ZZEF1: variants seen among roughly 807,000 people sequenced by gnomAD.
The protein encoded by ZZEF1 is zinc finger ZZ-type and EF-hand domain containing 1.
ZZEF1 carries 157 observed loss-of-function variants against 342.8 expected under a neutral mutation model. The ratio of observed to expected loss-of-function variants is 0.46; its 90% CI spans 0.40 to 0.52. ZZEF1 has a LOEUF of 0.52. ZZEF1 is among the 20% of genes least tolerant of loss of function. ZZEF1 has a pLI of 0.00. For synonymous variants in ZZEF1, 1,505 were observed against 1,429.1 expected (o/e 1.05, Z -1.20); for missense variants, 3,480 against 3,725.6 (o/e 0.93, Z 1.72).
In ZZEF1 at chr17:4,074,188, C is replaced by T. The variant is rs374233639; in HGVS notation, c.3647G>A (p.Arg1216His). ...LQLLVSRLMG[R>H]LASQCMALKS... ...GAGCGCCATGCACTGGGAAGCCAGGCGTCCCATCAGCCGGGAGACGAGGAG... is the reference window on the plus strand; with the variant it reads ...GAGCGCCATGCACTGGGAAGCCAGGTGTCCCATCAGCCGGGAGACGAGGAG... The change falls in exon 24 of 55, where the codon CGC (arginine) becomes CAC (histidine). Residue 1216 changes from arginine (R) to histidine (H), a missense_variant. Physicochemically the swap from Arg to His is conservative, Grantham distance 29. Transcript: ENST00000381638. 27 of 1,613,872 alleles carry T rather than the reference C, an allele frequency of 1.7e-5. No homozygotes were observed. The highest frequency in any genetic ancestry group is 2.0e-5 in the Non-Finnish European group (24 of 1,179,958).
chr17:4,115,956 A>AT (rs530184848), intron 3 of ZZEF1, among the ~76,000 whole-genome samples: 59 of 152,264 alleles, frequency 3.9e-4, no homozygotes, highest in African/African-American at 1.3e-3. Flanking sequence ...TTCTTCCAAT[A>AT]TTTTTAGCAT....
At chr17:4,074,967 T>C (rs1471063393) in intron 23 of ZZEF1, 130 bp downstream of exon 23, 1 of 972,138 alleles carries the variant, frequency 1.0e-6, no homozygotes, top group East Asian at 2.5e-5. Flanking sequence ...CTGATATAAA[T>C]CCTTCCTTTC....
rs1404762807 is a variant in ZZEF1 at position 4,083,668 on chromosome 17, C to T, written c.2647-1164G>A. Among the ~76,000 whole-genome samples, 7 of 144,584 alleles carry T rather than the reference C, an allele frequency of 4.8e-5. No homozygotes were observed. In the Admixed American group the frequency reaches 4.9e-4, roughly 10 times the overall value. 94.9% of individuals were successfully genotyped at this position (144,584 alleles called of 152,430 possible). ...TTTTTTTTTTTTTGAGACGGAATCT[C>T]GCTCTGTTGCCCAGGGTGAAGTGCA... On this transcript the variant is annotated intron_variant, in intron 16 of 54. Coordinates refer to ENST00000381638, the MANE Select transcript of ZZEF1 (RefSeq NM_015113.4).
chr17:4,072,564 G>A (rs772801978), intron 25 of ZZEF1, 44 bp downstream of exon 25: 47 of 1,565,408 alleles, frequency 3.0e-5, no homozygotes, highest in Non-Finnish European at 4.1e-5. Flanking sequence ...AATACTTGCA[G>A]GCAGTTTCCA....
At position 4,027,286 on chromosome 17, in the gene ZZEF1, C is replaced by CTTTTT. The variant is rs1179743466; in HGVS notation, c.6893-2173_6893-2169dup. 8.2e-3 allele frequency among the ~76,000 whole-genome samples: 554 copies of CTTTTT among 67,964 alleles called. 87 individuals are homozygous for CTTTTT. Among genetic ancestry groups the CTTTTT allele is most frequent in the Middle Eastern group, 0.014 (1 of 72 alleles). 44.6% of individuals were successfully genotyped at this position (67,964 alleles called of 152,430 possible). On this transcript the variant is annotated intron_variant, in intron 42 of 54. Transcript: ENST00000381638. The stretch of plus-strand genomic sequence containing the variant: ...GACCTACGCACCCAGCAATATCTCA[C>CTTTTT]TTTTTTTTTTTTTTTTTTTTTTTTT...
At chr17:4,063,537 A>G (rs1311571484) in intron 29 of ZZEF1, among the ~76,000 whole-genome samples, 2 of 152,228 alleles carry the variant, frequency 1.3e-5, no homozygotes, top group African/African-American at 4.8e-5. Context: ...TATAAACAGT[A>G]TAATATATAA....
chr17:4,051,189 G>C, intron 35 of ZZEF1, 146 bp from the exon 36 acceptor site: 5 of 1,030,782 alleles, frequency 4.9e-6, no homozygotes, highest in Non-Finnish European at 7.2e-6. Context: ...GTAAAGAAAG[G>C]TGTGGGCCCT....
chr17:4,045,490 CATT>C (rs1567790124), intron 37 of ZZEF1, among the ~76,000 whole-genome samples: 10 of 152,164 alleles, frequency 6.6e-5, no homozygotes. Context: ...TGGTATCTAA[CATT>C]ATCTTTAATA....
intron 26 of ZZEF1, 22 bp downstream of exon 26, chr17:4,070,662 A>C: frequency 6.2e-7 from 1 of 1,607,282 alleles, no homozygotes; most frequent in East Asian, 2.2e-5. Flanking sequence ...CAGATCAAAA[A>C]TATTCCCTGT....
At chr17:4,105,662 C>A (rs746351789) in intron 7 of ZZEF1, 31 bp downstream of exon 7, 2 of 1,502,552 alleles carry the variant, frequency 1.3e-6, no homozygotes, top group Admixed American at 1.8e-5. Context: ...CCATTCCTCA[C>A]AGAGTTTACC....
chr17:4,101,182 G>T (rs565094263), intron 9 of ZZEF1, among the ~76,000 whole-genome samples: 1 of 152,296 alleles, frequency 6.6e-6, no homozygotes, highest in Admixed American at 6.5e-5. Context: ...CTGAGGAGAG[G>T]AGGTGCAGCT....
At chr17:4,067,779 G>A (rs957405723) in intron 26 of ZZEF1, among the ~76,000 whole-genome samples, 13 of 151,976 alleles carry the variant, frequency 8.6e-5, no homozygotes, top group Non-Finnish European at 1.8e-4. Flanking sequence ...TATCACCCAG[G>A]CTGGAGTGCA....
chr17:4,062,972 C>T (rs750069663), intron 29 of ZZEF1, 55 bp from the exon 30 acceptor site: 35 of 1,542,182 alleles, frequency 2.3e-5, no homozygotes, highest in South Asian at 6.1e-5. Context: ...CTGGGGCAGA[C>T]GGAAAATATC....
chr17:4,125,603 C>A (rs552682365), intron 1 of ZZEF1, among the ~76,000 whole-genome samples: 71 of 152,214 alleles, frequency 4.7e-4, no homozygotes, highest in Non-Finnish European at 8.4e-4. Context: ...CTTCACTAAT[C>A]AAGGTATAAC....
At chr17:4,028,731 T>C (rs962049043) in intron 42 of ZZEF1, among the ~76,000 whole-genome samples, 5 of 152,082 alleles carry the variant, frequency 3.3e-5, no homozygotes, top group Non-Finnish European at 7.4e-5. Flanking sequence ...AACCCATGGA[T>C]ATGAAGGGCC....
intron 1 of ZZEF1, among the ~76,000 whole-genome samples, chr17:4,127,982 T>C (rs2058599173): frequency 1.3e-5 from 2 of 152,130 alleles, no homozygotes. Context: ...TAGTCCCCCA[T>C]TCCTTAATGA....
intron 22 of ZZEF1, 35 bp downstream of exon 22, chr17:4,075,228 T>G (rs1367933261): frequency 6.2e-7 from 1 of 1,613,680 alleles, no homozygotes; most frequent in African/African-American, 1.3e-5. Flanking sequence ...GCTGACCTAT[T>G]AGCGCTTGGG....
intron 1 of ZZEF1, among the ~76,000 whole-genome samples, chr17:4,133,303 G>A (rs971843363): frequency 6.0e-5 from 9 of 150,598 alleles, no homozygotes; most frequent in Admixed American, 2.7e-4. Context: ...TAACCTCCCC[G>A]TCTTATAGTT....
rs377393474 is a variant in ZZEF1, at chr17:4,036,743, A to G, written c.6307-2451T>C. On this transcript the variant is annotated intron_variant, in intron 39 of 54. Coordinates refer to ENST00000381638, the MANE Select transcript of ZZEF1 (RefSeq NM_015113.4). ...GGAAACTCCATCTTCAAAAAAAAAAAAGAGAATCACTGCTCTAAATAAATA... is the reference window on the plus strand; with the variant it reads ...GGAAACTCCATCTTCAAAAAAAAAAGAGAGAATCACTGCTCTAAATAAATA... 1.7e-3 allele frequency among the ~76,000 whole-genome samples: 249 copies of G among 150,880 alleles called. 3 individuals carry two copies. The highest frequency in any genetic ancestry group is 5.9e-3 in the African/African-American group (242 of 41,062).
Sources: allele counts gnomAD v4.1 joint callset (sites outside exome capture counted in the v4.1 genomes callset), GRCh38; gene constraint gnomAD v4.1.1; transcripts MANE v1.5; gene names NCBI Gene and HGNC (gene_info 2026-07-23, HGNC 2026-07-21).